Variants in WDR31 observed in about 807,000 individuals in gnomAD.
WDR31 encodes the protein WD repeat-containing protein 31.
WDR31 carries 30 observed loss-of-function variants against 47.3 expected under a neutral mutation model. The observed-to-expected ratio is 0.63, with a 90% CI of 0.47 to 0.86. WDR31 has a LOEUF of 0.86. WDR31 is among the 40% of genes least tolerant of loss of function. The pLI is 0.00. For synonymous variants in WDR31, 137 were observed against 159.4 expected (o/e 0.86, Z 1.06); for missense variants, 406 against 442.9 (o/e 0.92, Z 0.75).
chr9:113,317,534 G>C (rs999253227), intron 10 of WDR31, among the ~76,000 whole-genome samples: 5 of 152,216 alleles, frequency 3.3e-5, no homozygotes, highest in African/African-American at 1.2e-4. Context: ...CTGAGTGGCT[G>C]GAGAAGCCAC....
chr9:113,330,936 CT>C (rs1335221321), intron 4 of WDR31, 47 bp downstream of exon 4: 6 of 1,545,754 alleles, frequency 3.9e-6, no homozygotes, highest in East Asian at 2.3e-5. Flanking sequence ...AAATATCTTC[CT>C]TTCCCTGCAA....
intron 7 of WDR31, among the ~76,000 whole-genome samples, chr9:113,322,269 T>C (rs1339524488): frequency 6.6e-6 from 1 of 151,984 alleles, no homozygotes; most frequent in African/African-American, 2.4e-5. Flanking sequence ...TTAAGTAACT[T>C]CCTTGAGATA....
intron 5 of WDR31, among the ~76,000 whole-genome samples, chr9:113,325,413 A>G (rs1833439608): frequency 6.6e-6 from 1 of 152,092 alleles, no homozygotes; most frequent in Admixed American, 6.5e-5. Flanking sequence ...TTTGAAAAAC[A>G]CTTTGTCATA....
chr9:113,317,750 G>T (rs1356832892), intron 10 of WDR31, among the ~76,000 whole-genome samples: 3 of 152,214 alleles, frequency 2.0e-5, no homozygotes, highest in African/African-American at 7.2e-5. Context: ...TCTGTCTGTG[G>T]CAGAACCCTG....
intron 4 of WDR31, 44 bp downstream of exon 4, chr9:113,330,940 C>T (rs758291798): frequency 6.5e-7 from 1 of 1,550,130 alleles, no homozygotes; most frequent in East Asian, 2.3e-5. Context: ...ATCTTCCTTT[C>T]CCTGCAATAA....
At chr9:113,331,824 T>G (rs1833604074) in intron 3 of WDR31, 83 bp downstream of exon 3, 2 of 1,296,582 alleles carry the variant, frequency 1.5e-6, no homozygotes, top group Non-Finnish European at 2.2e-6. Context: ...CCATCAACAT[T>G]CGCCCTGGGC....
At position 113,332,003 on chromosome 9, in the gene WDR31, T is replaced by C. The variant is rs1219252985; in HGVS notation, c.20A>G (p.Gln7Arg). MLLLRCQLKQAPPQKVS... is the reference protein window; with the variant it reads MLLLRCRLKQAPPQKVS... ...CTTCTGTGGAGGAGCTTGTTTCAGTTGGCACCTGAGTAGCAGCATCCCTTG... is the reference window on the plus strand; with the variant it reads ...CTTCTGTGGAGGAGCTTGTTTCAGTCGGCACCTGAGTAGCAGCATCCCTTG... Residue 7 changes from glutamine to arginine, a missense_variant, in exon 3 of 11, where the codon CAA becomes CGA. By Grantham distance (43) the Gln-to-Arg change is conservative. Transcript: ENST00000374193. 4.3e-6 allele frequency: 7 copies of C among 1,614,010 alleles called. No homozygotes were observed. The highest frequency in any genetic ancestry group is 5.9e-6 in the Non-Finnish European group (7 of 1,179,876).
At position 113,321,516 on chromosome 9, in the gene WDR31, G is replaced by C; in HGVS notation, c.633C>G (p.Thr211=). ...CAGCTGCTCAGTAAGCCCACCTGAG[G>C]GTTTTATCTTCAGAGGTCTGTAGTA... ...PYILQTSEDK[T]LRLWDSRGLQ... is the part of the protein sequence containing the mutation. The change falls in exon 8 of 11, where the codon ACC becomes ACG. Residue 211 remains threonine (T), a synonymous_variant. Transcript: ENST00000374193. 6.2e-7 allele frequency: 1 copy of C among 1,614,060 alleles called. No homozygotes were observed.
At chr9:113,324,828 A>ATGTGTGTGTGTG (rs57088850) in intron 5 of WDR31, among the ~76,000 whole-genome samples, 11 of 138,200 alleles carry the variant, frequency 8.0e-5, no homozygotes, top group East Asian at 4.5e-4. Flanking sequence ...ATATATATAT[A>ATGTGTGTGTGTG]TGTGTGTGTG....
At chr9:113,326,060 C>T (rs991739499) in intron 5 of WDR31, among the ~76,000 whole-genome samples, 3 of 152,088 alleles carry the variant, frequency 2.0e-5, no homozygotes, top group South Asian at 2.1e-4. Context: ...TACAGGCATG[C>T]GCCACCACAC....
chr9:113,337,685 C>A (rs182437359), intron 1 of WDR31, among the ~76,000 whole-genome samples: 5 of 152,046 alleles, frequency 3.3e-5, no homozygotes, highest in Admixed American at 1.3e-4. Flanking sequence ...AGGCTGGTCT[C>A]AAACTCCTGA....
At chr9:113,334,953 A>T (rs1339239339) in intron 2 of WDR31, among the ~76,000 whole-genome samples, 1 of 152,120 alleles carries the variant, frequency 6.6e-6, no homozygotes, top group East Asian at 1.9e-4. Flanking sequence ...ATTCGAACTC[A>T]ATCTATAACC....
chr9:113,338,414 G>A (rs372268568), intron 1 of WDR31, among the ~76,000 whole-genome samples: 29 of 152,210 alleles, frequency 1.9e-4, no homozygotes, highest in African/African-American at 6.7e-4. Flanking sequence ...ATCATGAGTA[G>A]AATAAGAAAT....
chr9:113,328,982 A>T, intron 4 of WDR31, 27 bp from the exon 5 acceptor site: 1 of 1,592,740 alleles, frequency 6.3e-7, no homozygotes, highest in Non-Finnish European at 8.6e-7. Context: ...TTGTAGTTTC[A>T]TTACTCAATT....
At position 113,318,479 on chromosome 9, in the gene WDR31, A is replaced by T. The variant is rs1292273749; in HGVS notation, c.939T>A (p.Thr313=). 1.2e-6 allele frequency: 2 copies of T among 1,614,196 alleles called. No homozygotes were observed. The highest frequency in any genetic ancestry group is 2.2e-5 in the South Asian group (2 of 91,078). Residue 313 remains threonine, a synonymous_variant, in exon 10 of 11, where the codon ACT becomes ACA. Transcript: ENST00000374193. Reference sequence around the variant, plus strand: ...AACTAACAGCAGGCTGCTTACCTCCAGTATCTTGGTTCCAAATCTTCACCT... The same window carrying T: ...AACTAACAGCAGGCTGCTTACCTCCTGTATCTTGGTTCCAAATCTTCACCT... ...DCKVKIWNQD[T]GACLFTLSLD... is the part of the protein sequence containing the mutation.
rs1207374600 is a variant in WDR31, at chr9:113,336,758, TCTC to T, written c.-181-321_-181-319del. On this transcript the variant is annotated intron_variant, in intron 1 of 10. Coordinates refer to ENST00000374193, the MANE Select transcript of WDR31 (RefSeq NM_001012361.4). ...GGCAATTTCTCCTGTTTTAAATAAT[TCTC>T]CTAGAATTTGAGATGGGAGAGCTTT... Among the ~76,000 whole-genome samples the T allele has an allele frequency of 2.6e-5, 4 of 152,316 alleles. No individual in the cohort carries two copies. The East Asian group carries it at 7.7e-4, about 29-fold the overall frequency.
In WDR31 at chr9:113,313,416, A is replaced by G. The variant is rs1833119205; in HGVS notation, c.*3333T>C. The G allele has an allele frequency of 6.6e-6, 1 of 152,224 alleles. No individual in the cohort carries two copies. Among genetic ancestry groups the G allele is most frequent in the African/African-American group, 2.4e-5 (1 of 41,442 alleles). The allele number at this position is 152,224 out of a possible 1,614,324, so 9.4% of individuals were successfully genotyped here. A position where few individuals can be genotyped will look rare whatever the true frequency, so the allele number is the denominator to read the frequency against. ...GGAAAAAGTGTCAGCTGCTGCACTA[A>G]TAATCCAGCACATGCTACGACTGTC... is the stretch of plus-strand genomic sequence containing the variant. On this transcript the variant is annotated 3_prime_UTR_variant, in exon 11 of 11. Transcript: ENST00000374193.
At chr9:113,337,464 A>ATTT (rs151093541) in intron 1 of WDR31, among the ~76,000 whole-genome samples, 3 of 135,510 alleles carry the variant, frequency 2.2e-5, no homozygotes, top group African/African-American at 8.3e-5. Flanking sequence ...AGCATTTTGG[A>ATTT]TTTTTTTTTT....
At position 113,339,631 on chromosome 9, in the gene WDR31, C is replaced by T. The variant is rs1455448269; in HGVS notation, c.-182+586G>A. 2.0e-5 allele frequency among the ~76,000 whole-genome samples: 3 copies of T among 152,226 alleles called. No individual in the cohort carries two copies. The East Asian group carries it at 5.8e-4, about 29-fold the overall frequency. On this transcript the variant is annotated intron_variant, in intron 1 of 10. Coordinates refer to ENST00000374193, the MANE Select transcript of WDR31 (RefSeq NM_001012361.4). ...TAGGCCACCACTCTCACGGTTGCCT[C>T]AAATTTTGGGGACGACTTGTGTGCA...
Sources: gnomAD v4.1 joint callset for allele counts (sites outside exome capture counted in the v4.1 genomes callset) on GRCh38, gnomAD v4.1.1 for gene constraint, MANE v1.5 for transcripts, NCBI Gene and HGNC (gene_info 2026-07-23, HGNC 2026-07-21) for gene names.